Variants in WDR27 observed in about 807,000 individuals in gnomAD.
WDR27 encodes the protein WD repeat-containing protein 27.
In WDR27, 100 loss-of-function variants were observed where a neutral mutation model predicts 114.4. That is an observed-to-expected ratio of 0.87 (90% confidence interval 0.74 to 1.03). The LOEUF is 1.03. Among genes scored for constraint, WDR27 ranks in the 50% least tolerant of loss-of-function variants. WDR27 has a pLI of 0.00. For missense variants in WDR27, 1,129 were observed against 1,092.9 expected (o/e 1.03, Z -0.47); for synonymous variants, 449 against 423.1 (o/e 1.06, Z -0.75).
intron 24 of WDR27, among the ~76,000 whole-genome samples, chr6:169,579,805 C>T (rs183876971): frequency 9.2e-5 from 14 of 152,192 alleles, no homozygotes; most frequent in Non-Finnish European, 1.6e-4. Flanking sequence ...GTGCAGCTAC[C>T]GTTCTGCTAC....
chr6:169,700,851 C>A (rs920606837), intron 1 of WDR27, among the ~76,000 whole-genome samples: 30 of 152,210 alleles, frequency 2.0e-4, no homozygotes, highest in Non-Finnish European at 3.7e-4. Context: ...CCTGCTGTGC[C>A]AACCCTAGGG....
intron 23 of WDR27, among the ~76,000 whole-genome samples, chr6:169,587,664 A>C (rs969611816): frequency 2.6e-5 from 4 of 152,378 alleles, no homozygotes; most frequent in Admixed American, 6.5e-5. Flanking sequence ...GCTTTGTCAG[A>C]TAATGACTTC....
chr6:169,578,177 C>T (rs1167695136), intron 24 of WDR27, among the ~76,000 whole-genome samples: 1 of 152,216 alleles, frequency 6.6e-6, no homozygotes, highest in Admixed American at 6.5e-5. Flanking sequence ...CTGTAAGGCG[C>T]TCTCCAACTG....
chr6:169,660,833 GC>G (rs1256075287), intron 9 of WDR27, 67 bp from the exon 10 acceptor site: 3 of 1,410,716 alleles, frequency 2.1e-6, no homozygotes, highest in African/African-American at 1.4e-5. Context: ...CCCCACGTGC[GC>G]CCCCTGGCCT....
chr6:169,513,778 T>C (rs1344231876), intron 25 of WDR27, among the ~76,000 whole-genome samples: 1 of 145,356 alleles, frequency 6.9e-6, no homozygotes, highest in Non-Finnish European at 1.5e-5. Flanking sequence ...TGGTCAGTCA[T>C]TCACTTGTTT....
intron 24 of WDR27, among the ~76,000 whole-genome samples, chr6:169,573,684 G>A (rs1340639527): frequency 2.6e-5 from 4 of 152,208 alleles, no homozygotes; most frequent in African/African-American, 9.7e-5. Context: ...TGTGATATTT[G>A]TGACTCTGCT....
At chr6:169,670,723 T>C (rs1562889713) in intron 3 of WDR27, 30 bp from the exon 4 acceptor site, 1 of 1,612,470 alleles carries the variant, frequency 6.2e-7, no homozygotes, top group East Asian at 2.2e-5. Flanking sequence ...TAGTGCCAGT[T>C]TACCAAATGC....
At chr6:169,449,935 T>C in the WDR27 span, among the ~76,000 whole-genome samples, 4 of 152,222 alleles carry the variant, frequency 2.6e-5, no homozygotes, top group Non-Finnish European at 4.4e-5. Context: ...CACCATAATT[T>C]AAGAAGCTTA....
chr6:169,489,217 C>A (rs147565427), intron 25 of WDR27, among the ~76,000 whole-genome samples: 1 of 152,150 alleles, frequency 6.6e-6, no homozygotes, highest in African/African-American at 2.4e-5. Flanking sequence ...GTGCATGGCA[C>A]CTGCACAGAT....
intron 1 of WDR27, chr6:169,689,261 T>C: frequency 3.0e-6 from 1 of 337,078 alleles, no homozygotes; most frequent in East Asian, 5.7e-5. Flanking sequence ...AATACCACTA[T>C]TCCCACTTCA....
chr6:169,521,597 G>A (rs3006203), intron 25 of WDR27, among the ~76,000 whole-genome samples: 149,800 of 152,170 alleles, frequency 0.98, 73,744 homozygotes, highest in East Asian at 1. Flanking sequence ...TAGCTACAGC[G>A]GCCTTTTAAG....
At chr6:169,459,470 A>G (rs1286732569) in intron 25 of WDR27, among the ~76,000 whole-genome samples, 1 of 152,074 alleles carries the variant, frequency 6.6e-6, no homozygotes, top group Non-Finnish European at 1.5e-5. Flanking sequence ...CAACTTATGC[A>G]TTGCAGGAGA....
At chr6:169,652,251 T>C (rs1822796897) in intron 13 of WDR27, among the ~76,000 whole-genome samples, 2 of 152,190 alleles carry the variant, frequency 1.3e-5, no homozygotes, top group African/African-American at 4.8e-5. Flanking sequence ...GTTGTTTTGT[T>C]GTTGTTGTTG....
intron 8 of WDR27, among the ~76,000 whole-genome samples, chr6:169,662,727 C>T (rs1177024127): frequency 7.7e-6 from 1 of 129,514 alleles, no homozygotes; most frequent in Non-Finnish European, 1.6e-5. Context: ...GCGTGTGCAC[C>T]GCGGAGTACT....
intron 25 of WDR27, among the ~76,000 whole-genome samples, chr6:169,546,651 C>A (rs1226480831): frequency 6.6e-6 from 1 of 152,110 alleles, no homozygotes; most frequent in Non-Finnish European, 1.5e-5. Context: ...ATCCCCAGAC[C>A]CTCAAACCCA....
intron 25 of WDR27, among the ~76,000 whole-genome samples, chr6:169,458,218 C>T (rs576001613): frequency 6.6e-6 from 1 of 152,318 alleles, no homozygotes; most frequent in Non-Finnish European, 1.5e-5. Context: ...CCCTCATGCA[C>T]ACCTTTCAAA....
chr6:169,622,687 A>T (rs765029371), intron 21 of WDR27, among the ~76,000 whole-genome samples: 4 of 152,228 alleles, frequency 2.6e-5, no homozygotes, highest in Non-Finnish European at 5.9e-5. Context: ...CTTTTCAAAG[A>T]AGTGATATTT....
At chr6:169,598,437 C>T (rs1022163415) in intron 23 of WDR27, among the ~76,000 whole-genome samples, 2 of 152,220 alleles carry the variant, frequency 1.3e-5, no homozygotes, top group Non-Finnish European at 2.9e-5. Flanking sequence ...GACAAACTCA[C>T]CCTTTGTAAG....
chr6:169,537,186 T>C (rs1796289365), intron 25 of WDR27, among the ~76,000 whole-genome samples: 1 of 152,194 alleles, frequency 6.6e-6, no homozygotes, highest in African/African-American at 2.4e-5. Context: ...GCAGGCCAGC[T>C]GCCTCCCAGA....
Sources: allele counts gnomAD v4.1 joint callset (sites outside exome capture counted in the v4.1 genomes callset), GRCh38; gene constraint gnomAD v4.1.1; transcripts MANE v1.5; gene names NCBI Gene and HGNC (gene_info 2026-07-23, HGNC 2026-07-21).